The following ALK variants were observed in gnomAD, a reference collection of about 807,000 sequenced individuals.
ALK encodes ALK tyrosine kinase receptor.
A neutral mutation model predicts 163.1 loss-of-function variants in ALK; 74 were observed. The observed-to-expected ratio is 0.45, with a 90% confidence interval of 0.38 to 0.55. The LOEUF is 0.55. ALK is among the 20% of genes least tolerant of loss of function. ALK has a pLI of 0.00. For missense variants in ALK, 2,063 were observed against 2,105.3 expected (o/e 0.98, Z 0.39); for synonymous variants, 960 against 843.2 (o/e 1.14, Z -2.40).
chr2:29,818,664 C>T (rs935221416), intron 1 of ALK, among the ~76,000 whole-genome samples: 1 of 152,336 alleles, frequency 6.6e-6, no homozygotes, highest in Non-Finnish European at 1.5e-5. Flanking sequence ...CCTCCAGCAG[C>T]GCAGTAGCAG....
At chr2:29,521,700 C>T (rs1672816507) in intron 4 of ALK, among the ~76,000 whole-genome samples, 1 of 152,220 alleles carries the variant, frequency 6.6e-6, no homozygotes, top group African/African-American at 2.4e-5. Context: ...AACTGGGCTA[C>T]TAAGTGGGTC....
chr2:29,194,445 T>G (rs775274393), intron 28 of ALK, among the ~76,000 whole-genome samples: 2 of 152,114 alleles, frequency 1.3e-5, no homozygotes, highest in Non-Finnish European at 2.9e-5. Context: ...TACTTTACAC[T>G]TGATTGTAAG....
In ALK at chr2:29,318,653, G is replaced by A. The variant is rs542136071; in HGVS notation, c.1547-249C>T. Among the ~76,000 whole-genome samples the A allele has an allele frequency of 2.7e-5, 4 of 150,824 alleles. No individual in the cohort carries two copies. The South Asian group carries it at 6.3e-4, about 24-fold the overall frequency. ...GCGATCTTGGCTCACTGCAAGCTCC[G>A]CCTCCCGGGTTCATGCCATTCTCCT... On this transcript the variant is annotated intron_variant, in intron 7 of 28. Transcript: ENST00000389048.
chr2:29,731,786 A>C (rs12998454), intron 1 of ALK, among the ~76,000 whole-genome samples: 12,888 of 152,284 alleles, frequency 0.085, 686 homozygotes, highest in Non-Finnish European at 0.12. Context: ...CTAAGCATTA[A>C]AGATATTTGG....
rs1459946897 is a variant in ALK, at chr2:29,920,655, C to G, written c.5G>C (p.Gly2Ala). MGAIGLLWLLPL... is the reference protein window; with the variant it reads MAAIGLLWLLPL... ...CAGGAGCCACAGGAGCCCGATGGCT[C>G]CCATCCCGCCGGAGGAGGCCGTTTA... Residue 2 changes from glycine (G) to alanine (A), a missense_variant, in exon 1 of 29, where the codon GGA (glycine) becomes GCA (alanine). Physicochemically the swap from Gly to Ala is moderately conservative, Grantham distance 60. Coordinates refer to ENST00000389048, the MANE Select transcript of ALK (RefSeq NM_004304.5). 1 of 1,536,010 alleles carries G rather than the reference C, an allele frequency of 6.5e-7. No individual in the cohort carries two copies. The highest frequency in any genetic ancestry group is 8.7e-7 in the Non-Finnish European group (1 of 1,148,190).
At chr2:29,365,373 G>C (rs1668478977) in intron 5 of ALK, among the ~76,000 whole-genome samples, 2 of 152,312 alleles carry the variant, frequency 1.3e-5, no homozygotes, top group Admixed American at 6.5e-5. Flanking sequence ...ATTAGGGCAG[G>C]GTGATGGCCA....
intron 9 of ALK, among the ~76,000 whole-genome samples, chr2:29,291,467 G>A (rs1666020747): frequency 1.3e-5 from 2 of 152,142 alleles, no homozygotes; most frequent in African/African-American, 4.8e-5. Flanking sequence ...GCAGTACATA[G>A]GAGGCAGACC....
At chr2:29,485,505 T>C (rs1418836145) in intron 4 of ALK, among the ~76,000 whole-genome samples, 2 of 152,250 alleles carry the variant, frequency 1.3e-5, no homozygotes, top group South Asian at 4.1e-4. Context: ...TCTATTCAAG[T>C]ATATCTTAAA....
chr2:29,786,108 C>T (rs889349958), intron 1 of ALK, among the ~76,000 whole-genome samples: 3 of 152,174 alleles, frequency 2.0e-5, no homozygotes, highest in South Asian at 2.1e-4. Context: ...GGATGATTGA[C>T]GTTCCCCTTT....
intron 4 of ALK, among the ~76,000 whole-genome samples, chr2:29,427,625 A>G (rs893014555): frequency 3.3e-5 from 5 of 152,114 alleles, no homozygotes; most frequent in African/African-American, 9.6e-5. Context: ...AAAAGAAAAC[A>G]GTATGAGATA....
intron 26 of ALK, among the ~76,000 whole-genome samples, chr2:29,202,625 T>A (rs1250373665): frequency 6.6e-6 from 1 of 152,262 alleles, no homozygotes; most frequent in Non-Finnish European, 1.5e-5. Flanking sequence ...TATTGTAAAG[T>A]TATACATAAA....
At chr2:29,617,831 C>G (rs1675899262) in intron 3 of ALK, among the ~76,000 whole-genome samples, 1 of 152,200 alleles carries the variant, frequency 6.6e-6, no homozygotes. Flanking sequence ...ACAGTATGTG[C>G]ATGTGACTAT....
intron 1 of ALK, among the ~76,000 whole-genome samples, chr2:29,806,754 C>T (rs527883143): frequency 3.9e-5 from 6 of 152,264 alleles, no homozygotes; most frequent in South Asian, 4.2e-4. Context: ...TTCATCACAA[C>T]TCTCCCCACT....
At chr2:29,888,462 G>A (rs1035808312) in intron 1 of ALK, among the ~76,000 whole-genome samples, 11 of 151,936 alleles carry the variant, frequency 7.2e-5, no homozygotes, top group Non-Finnish European at 1.5e-4. Context: ...TTCTTTAAAG[G>A]GACTTTTCCC....
intron 1 of ALK, among the ~76,000 whole-genome samples, chr2:29,876,020 T>C (rs1014656851): frequency 2.6e-5 from 4 of 152,198 alleles, no homozygotes; most frequent in Non-Finnish European, 5.9e-5. Context: ...TTTTCTCTGC[T>C]TCATCCTCAC....
intron 4 of ALK, among the ~76,000 whole-genome samples, chr2:29,391,014 G>C (rs1669155278): frequency 6.6e-6 from 1 of 152,194 alleles, no homozygotes; most frequent in Non-Finnish European, 1.5e-5. Context: ...GCGTGGAGAA[G>C]AGCTGCTCTG....
chr2:29,459,223 T>G (rs994145224), intron 4 of ALK, among the ~76,000 whole-genome samples: 2 of 146,046 alleles, frequency 1.4e-5, no homozygotes, highest in African/African-American at 5.0e-5. Context: ...CTTTGTTCAC[T>G]CCTTAATTTA....
chr2:29,525,223 T>C (rs2148152148), intron 4 of ALK, among the ~76,000 whole-genome samples: 1 of 152,358 alleles, frequency 6.6e-6, no homozygotes, highest in African/African-American at 2.4e-5. Context: ...TTGGAAACCT[T>C]GTCACTAGCC....
chr2:29,762,157 C>A (rs1442088829), intron 1 of ALK, among the ~76,000 whole-genome samples: 2 of 152,214 alleles, frequency 1.3e-5, no homozygotes, highest in Admixed American at 1.3e-4. Flanking sequence ...TATGACCAAA[C>A]AATGTCCAAA....
Sources: allele counts gnomAD v4.1 joint callset (sites outside exome capture counted in the v4.1 genomes callset), GRCh38; gene constraint gnomAD v4.1.1; transcripts MANE v1.5; gene names NCBI Gene and HGNC (gene_info 2026-07-23, HGNC 2026-07-21).